OCA2: variants seen among roughly 807,000 people sequenced by gnomAD.
OCA2 encodes P protein.
OCA2 carries 77 observed loss-of-function variants against 100.2 expected under a neutral mutation model. The ratio of observed to expected loss-of-function variants is 0.77; its 90% confidence interval spans 0.64 to 0.93. The LOEUF (loss-of-function observed/expected upper bound fraction) is 0.93, where lower values mean the gene tolerates loss of function less well. Ranked by LOEUF, OCA2 falls within the 40% of genes least tolerant of loss-of-function variation. The pLI, the probability that OCA2 is intolerant of heterozygous loss-of-function variation, is 0.00. For missense variants in OCA2, 1,062 were observed against 1,089.1 expected (o/e 0.98, Z 0.35); for synonymous variants, 432 against 439.2 (o/e 0.98, Z 0.21).
At chr15:27,802,120 T>C (rs1034063222) in intron 23 of OCA2, among the ~76,000 whole-genome samples, 1 of 152,092 alleles carries the variant, frequency 6.6e-6, no homozygotes, top group Non-Finnish European at 1.5e-5. Context: ...GGATATAAGA[T>C]CCATACGTAT....
chr15:27,817,896 G>A (rs1442448715), intron 23 of OCA2, among the ~76,000 whole-genome samples: 1 of 152,006 alleles, frequency 6.6e-6, no homozygotes, highest in African/African-American at 2.4e-5. Context: ...AATTGACAGT[G>A]GACTCTGATC....
intron 9 of OCA2, among the ~76,000 whole-genome samples, chr15:28,009,429 T>G (rs1468346588): frequency 6.6e-6 from 1 of 152,148 alleles, no homozygotes; most frequent in Non-Finnish European, 1.5e-5. Context: ...GGCTCACATC[T>G]GTAATCCCAG....
At chr15:28,077,041 G>A (rs564489274) in intron 2 of OCA2, among the ~76,000 whole-genome samples, 1 of 151,254 alleles carries the variant, frequency 6.6e-6, no homozygotes, top group East Asian at 1.9e-4. Flanking sequence ...AAGTCTGTGT[G>A]TCACTCTGTG....
intron 1 of OCA2, among the ~76,000 whole-genome samples, chr15:28,096,794 C>A (rs1047175368): frequency 4.6e-5 from 7 of 152,116 alleles, no homozygotes; most frequent in African/African-American, 1.7e-4. Flanking sequence ...CGGGAGAGGG[C>A]CTCGGGAGGC....
chr15:27,916,430 T>C (rs1567102267), intron 19 of OCA2, among the ~76,000 whole-genome samples: 1 of 152,224 alleles, frequency 6.6e-6, no homozygotes, highest in Non-Finnish European at 1.5e-5. Context: ...CATGTTTATA[T>C]TGATGTTATG....
the OCA2 span, among the ~76,000 whole-genome samples, chr15:27,747,176 TCCACCCCAG>T: frequency 6.6e-6 from 1 of 152,286 alleles, no homozygotes; most frequent in Admixed American, 6.5e-5. Context: ...AGGAGGGGAC[TCCACCCCAG>T]CCTCATGCCA....
chr15:27,888,910 C>T (rs377188005), intron 19 of OCA2, among the ~76,000 whole-genome samples: 12 of 152,010 alleles, frequency 7.9e-5, no homozygotes, highest in East Asian at 3.9e-4. Flanking sequence ...AAAATGTAAA[C>T]GAGACCTGGT....
At chr15:27,832,680 C>A (rs2035006739) in intron 23 of OCA2, among the ~76,000 whole-genome samples, 1 of 152,214 alleles carries the variant, frequency 6.6e-6, no homozygotes, top group Non-Finnish European at 1.5e-5. Context: ...TCTCCAAGTT[C>A]AGCACACAGT....
chr15:27,901,548 C>T (rs1229050641), intron 19 of OCA2, among the ~76,000 whole-genome samples: 1 of 152,216 alleles, frequency 6.6e-6, no homozygotes, highest in Admixed American at 6.5e-5. Flanking sequence ...TTCCCCAAAC[C>T]TGACCTTTGA....
intron 23 of OCA2, among the ~76,000 whole-genome samples, chr15:27,814,175 T>A (rs183764954): frequency 1.3e-5 from 2 of 152,192 alleles, no homozygotes; most frequent in African/African-American, 4.8e-5. Context: ...TTGTACCCAC[T>A]AACCAACCTC....
chr15:27,767,403 G>A (rs1311938341), intron 23 of OCA2, among the ~76,000 whole-genome samples: 1 of 152,184 alleles, frequency 6.6e-6, no homozygotes, highest in African/African-American at 2.4e-5. Flanking sequence ...GGATTTCTTG[G>A]GTTGAGTGGG....
chr15:27,932,043 G>A (rs896391646), intron 18 of OCA2, among the ~76,000 whole-genome samples: 15 of 152,182 alleles, frequency 9.9e-5, no homozygotes, highest in Non-Finnish European at 2.1e-4. Flanking sequence ...GGGCCTCGCC[G>A]TCCAGTGGAG....
intron 15 of OCA2, among the ~76,000 whole-genome samples, chr15:27,962,990 T>C (rs943892323): frequency 1.3e-5 from 2 of 152,310 alleles, no homozygotes; most frequent in Admixed American, 6.5e-5. Flanking sequence ...GAAATTGTTA[T>C]ATTAACAACA....
intron 4 of OCA2, among the ~76,000 whole-genome samples, chr15:28,027,310 C>T (rs1451923915): frequency 6.6e-6 from 1 of 152,194 alleles, no homozygotes; most frequent in African/African-American, 2.4e-5. Context: ...GCATGTGCAC[C>T]ATCCACTTTC....
Position 27,871,173 on chromosome 15 carries a change from A to T in OCA2, c.2225T>A (p.Ile742Asn), listed in dbSNP as rs184326694. The T allele has an allele frequency of 6.2e-7, 1 of 1,613,858 alleles. No homozygotes were observed. Among genetic ancestry groups the T allele is most frequent in the African/African-American group, 1.3e-5 (1 of 75,002 alleles). Residue 742 changes from isoleucine to asparagine, a missense_variant, in exon 21 of 24, where the codon ATC (isoleucine) becomes AAC (asparagine). Ile to Asn is a moderately radical substitution (Grantham distance 149). Transcript: ENST00000354638. Reference sequence around the variant, plus strand: ...ACTCACCATGGTAGCAGTGAACGGGATGTTGTCAATCAGGGACGACGCCAG... The same window carrying T: ...ACTCACCATGGTAGCAGTGAACGGGTTGTTGTCAATCAGGGACGACGCCAG... ...SALASSLIDNIPFTATMIPVL... is the reference protein window; with the variant it reads ...SALASSLIDNNPFTATMIPVL...
chr15:27,935,419 C>G (rs1019730983), intron 18 of OCA2, among the ~76,000 whole-genome samples: 2 of 152,130 alleles, frequency 1.3e-5, no homozygotes, highest in African/African-American at 2.4e-5. Context: ...GCTAAAGGAG[C>G]CTCTTTTCCC....
At chr15:28,005,475 G>A (rs536186994) in intron 9 of OCA2, among the ~76,000 whole-genome samples, 20 of 152,244 alleles carry the variant, frequency 1.3e-4, no homozygotes, top group Non-Finnish European at 2.4e-4. Flanking sequence ...TCGAGGCGTC[G>A]CAGGAACGCA....
Position 27,761,444 on chromosome 15 carries a change from G to A in OCA2, c.2433-5972C>T, listed in dbSNP as rs367989852. Among the ~76,000 whole-genome samples, 6 of 150,180 alleles carry A rather than the reference G, an allele frequency of 4.0e-5. No individual in the cohort carries two copies. The East Asian group carries it at 1.2e-3, about 30-fold the overall frequency. ...GCACACCAGCATCTGTGTGCTGTAA[G>A]TTACAAAATGGTGATTAAAAAAAAA... On this transcript the variant is annotated intron_variant, in intron 23 of 23. Coordinates refer to ENST00000354638, the MANE Select transcript of OCA2 (RefSeq NM_000275.3).
At chr15:27,830,559 T>C (rs899776093) in intron 23 of OCA2, among the ~76,000 whole-genome samples, 2 of 151,756 alleles carry the variant, frequency 1.3e-5, no homozygotes, top group African/African-American at 4.8e-5. Flanking sequence ...ACATAAAGAG[T>C]AAAAGGCCAA....
Sources: allele counts gnomAD v4.1 joint callset (sites outside exome capture counted in the v4.1 genomes callset), GRCh38; gene constraint gnomAD v4.1.1; transcripts MANE v1.5; gene names NCBI Gene and HGNC (gene_info 2026-07-23, HGNC 2026-07-21).